Variants in MYLK4 observed in about 807,000 individuals in gnomAD.
MYLK4 encodes the protein caMLCK like.
In MYLK4, 46 loss-of-function variants were observed where a neutral mutation model predicts 48.1. The ratio of observed to expected loss-of-function variants is 0.96; its 90% CI spans 0.75 to 1.22. The LOEUF (loss-of-function observed/expected upper bound fraction) is 1.22. Among genes scored for constraint, MYLK4 ranks in the 50% most tolerant of loss-of-function variants. MYLK4 has a pLI of 0.00. For missense variants in MYLK4, 451 were observed against 486.1 expected (o/e 0.93, Z 0.68); for synonymous variants, 170 against 180.8 (o/e 0.94, Z 0.48).
chr6:2,675,601 T>C (rs1197209238), intron 10 of MYLK4, among the ~76,000 whole-genome samples: 2 of 151,998 alleles, frequency 1.3e-5, no homozygotes, highest in African/African-American at 4.8e-5. Context: ...GGAAATAGAG[T>C]CGATGTAATT....
intron 12 of MYLK4, among the ~76,000 whole-genome samples, chr6:2,668,262 G>A (rs1340027849): frequency 6.6e-6 from 1 of 152,158 alleles, no homozygotes; most frequent in East Asian, 1.9e-4. Context: ...CCGTCCATCT[G>A]GTCAGCTTGA....
chr6:2,719,632 TTC>T (rs1389811326), intron 2 of MYLK4, among the ~76,000 whole-genome samples: 1 of 152,246 alleles, frequency 6.6e-6, no homozygotes, highest in Admixed American at 6.5e-5. Context: ...CAGTTTGTCT[TTC>T]TGTTATTTTC....
chr6:2,748,633 G>A (rs1764181942), intron 2 of MYLK4, among the ~76,000 whole-genome samples: 1 of 152,220 alleles, frequency 6.6e-6, no homozygotes, highest in Non-Finnish European at 1.5e-5. Flanking sequence ...AGAACGAGCA[G>A]CTGGAATGGG....
intron 11 of MYLK4, among the ~76,000 whole-genome samples, 159 bp from the exon 12 acceptor site, chr6:2,671,507 C>T (rs60074768): frequency 0.024 from 3,729 of 152,262 alleles, 156 homozygotes; most frequent in African/African-American, 0.084. Context: ...CTGGCAGACA[C>T]ACCGGCCAAC....
chr6:2,680,885 C>G (rs893052927), intron 7 of MYLK4, among the ~76,000 whole-genome samples: 20 of 152,130 alleles, frequency 1.3e-4, no homozygotes, highest in African/African-American at 4.8e-4. Flanking sequence ...GTCTCAATGC[C>G]TAAAACCCCT....
At chr6:2,716,749 G>A (rs1312388373) in intron 2 of MYLK4, among the ~76,000 whole-genome samples, 1 of 152,178 alleles carries the variant, frequency 6.6e-6, no homozygotes, top group African/African-American at 2.4e-5. Context: ...TCTTGGACAA[G>A]CTATACCTTT....
At chr6:2,746,824 A>G (rs1764110280) in intron 2 of MYLK4, among the ~76,000 whole-genome samples, 1 of 152,204 alleles carries the variant, frequency 6.6e-6, no homozygotes, top group Non-Finnish European at 1.5e-5. Flanking sequence ...AGACGTGTTA[A>G]TCTAGCTCTG....
intron 12 of MYLK4, among the ~76,000 whole-genome samples, chr6:2,668,336 C>T (rs1760743789): frequency 6.6e-6 from 1 of 152,136 alleles, no homozygotes; most frequent in South Asian, 2.1e-4. Context: ...TTTATGACCA[C>T]GTCTGACCTG....
At chr6:2,736,948 C>T (rs1459755329) in intron 2 of MYLK4, among the ~76,000 whole-genome samples, 1 of 152,274 alleles carries the variant, frequency 6.6e-6, no homozygotes, top group Non-Finnish European at 1.5e-5. Flanking sequence ...CATCACCTGG[C>T]TCTCATGACA....
chr6:2,685,466 C>T lies in MYLK4; in HGVS notation c.435+17G>A, dbSNP rs747271478. 2 of 1,613,668 alleles carry T rather than the reference C, an allele frequency of 1.2e-6. No individual in the cohort carries two copies. The highest frequency in any genetic ancestry group is 1.7e-6 in the Non-Finnish European group (2 of 1,179,624). Reference sequence around the variant, plus strand: ...GATGGGGCGGGGAGGGAGGGGACCACCTCCCACAGGCTGTACCTTGTCCTT... The same window carrying T: ...GATGGGGCGGGGAGGGAGGGGACCATCTCCCACAGGCTGTACCTTGTCCTT... On this transcript the variant is annotated intron_variant, in intron 5 of 12. Coordinates refer to ENST00000274643, the MANE Select transcript of MYLK4 (RefSeq NM_001012418.5). The surrounding 1 kb of genome is among the most constrained non-coding windows in gnomAD (Gnocchi z 4.5).
chr6:2,680,693 A>G, intron 7 of MYLK4: 1 of 540,940 alleles, frequency 1.8e-6, no homozygotes, highest in Non-Finnish European at 2.4e-6. Flanking sequence ...AAGATTGATG[A>G]GTTCCAAGGG....
intron 2 of MYLK4, among the ~76,000 whole-genome samples, chr6:2,742,788 C>G (rs888244276): frequency 6.6e-6 from 1 of 150,444 alleles, no homozygotes; most frequent in Non-Finnish European, 1.5e-5. Context: ...TTAATGGGTG[C>G]AGCACACCAG....
chr6:2,678,072 G>T, intron 10 of MYLK4, 148 bp downstream of exon 10: 1 of 963,106 alleles, frequency 1.0e-6, no homozygotes, highest in Non-Finnish European at 1.5e-6. Context: ...CAGTAGACTG[G>T]GTCAAGAGGC....
At chr6:2,702,959 G>T (rs1762346293) in intron 2 of MYLK4, among the ~76,000 whole-genome samples, 1 of 152,122 alleles carries the variant, frequency 6.6e-6, no homozygotes, top group Non-Finnish European at 1.5e-5. Flanking sequence ...TTTGATTGTG[G>T]ACGTGGGGGA....
At chr6:2,675,678 A>G (rs2113097659) in intron 10 of MYLK4, among the ~76,000 whole-genome samples, 1 of 152,374 alleles carries the variant, frequency 6.6e-6, no homozygotes, top group South Asian at 2.1e-4. Context: ...GCAAAGGTTT[A>G]TAAGATTTTG....
the MYLK4 span, chr6:2,766,543 C>G: frequency 5.7e-6 from 8 of 1,413,500 alleles, no homozygotes; most frequent in South Asian, 9.1e-5. Flanking sequence ...AAGAAGCCGC[C>G]TGCCTCTCCT....
At chr6:2,752,239 C>T (rs2076962493), upstream of MYLK4, among the ~76,000 whole-genome samples, 1 of 152,202 alleles carries the variant, frequency 6.6e-6, no homozygotes, top group South Asian at 2.1e-4. Flanking sequence ...TTTACATCTA[C>T]AGAAAAGGTG....
intron 2 of MYLK4, among the ~76,000 whole-genome samples, chr6:2,693,778 A>G (rs1761906670): frequency 7.8e-6 from 1 of 128,374 alleles, no homozygotes; most frequent in Non-Finnish European, 1.6e-5. Context: ...TTTTTTTGAG[A>G]TGGAGTTTCG....
intron 3 of MYLK4, among the ~76,000 whole-genome samples, chr6:2,689,593 C>A (rs74687036): frequency 0.056 from 8,481 of 152,268 alleles, 271 homozygotes; most frequent in Middle Eastern, 0.099. Context: ...TGTTTAAACG[C>A]TCGTCCACAT....
Sources: allele counts gnomAD v4.1 joint callset (sites outside exome capture counted in the v4.1 genomes callset), GRCh38; gene constraint gnomAD v4.1.1; non-coding constraint Gnocchi (gnomAD v3.1); transcripts MANE v1.5; gene names NCBI Gene and HGNC (gene_info 2026-07-23, HGNC 2026-07-21).